The following AKAP13 variants were observed in gnomAD, a reference collection of about 807,000 sequenced individuals.
The protein encoded by AKAP13 is A-kinase anchoring protein 13.
In AKAP13, 80 loss-of-function variants were observed where a neutral mutation model predicts 264.5. That is an observed-to-expected ratio of 0.30 (90% CI 0.25 to 0.36). AKAP13 has a LOEUF of 0.36. Ranked by LOEUF, AKAP13 falls within the 10% of genes least tolerant of loss-of-function variation. The pLI is 1.00. For synonymous variants in AKAP13, 1,380 were observed against 1,250.2 expected (o/e 1.10, Z -2.19); for missense variants, 3,712 against 3,435.2 (o/e 1.08, Z -2.01).
rs918552734 is a variant in AKAP13, at chr15:85,573,179, T to C, written c.663-1952T>C. Reference sequence around the variant, plus strand: ...GCATGTCTGTAATTTCTTAACTCTTTAGTTTCTTCTATTTCAAAACATGAT... The same window carrying C: ...GCATGTCTGTAATTTCTTAACTCTTCAGTTTCTTCTATTTCAAAACATGAT... On this transcript the variant is annotated intron_variant, in intron 5 of 36. Transcript: ENST00000394518. Among the ~76,000 whole-genome samples the C allele has an allele frequency of 4.6e-5, 7 of 152,198 alleles. No individual in the cohort carries two copies. The East Asian group carries it at 1.2e-3, about 25-fold the overall frequency.
intron 30 of AKAP13, among the ~76,000 whole-genome samples, chr15:85,731,162 C>G (rs2087992893): frequency 6.6e-6 from 1 of 151,992 alleles, no homozygotes; most frequent in Non-Finnish European, 1.5e-5. Context: ...TGCACCACCA[C>G]ACCCAGCTAA....
At chr15:85,608,081 A>AT (rs1267459825) in intron 8 of AKAP13, among the ~76,000 whole-genome samples, 2 of 152,304 alleles carry the variant, frequency 1.3e-5, no homozygotes, top group Middle Eastern at 3.4e-3. Flanking sequence ...GAAGTCTTCC[A>AT]TGGGAAGCTG....
intron 4 of AKAP13, among the ~76,000 whole-genome samples, chr15:85,537,673 G>A (rs1472938970): frequency 2.0e-5 from 3 of 152,210 alleles, no homozygotes; most frequent in Non-Finnish European, 4.4e-5. Context: ...AAAAGCAGGG[G>A]CATTGGAGTC....
In AKAP13 at chr15:85,487,555, C is replaced by A. The variant is rs1596318727; in HGVS notation, c.33+1802C>A. Reference sequence around the variant, plus strand: ...TCATTAATGTGATATATTACATTGACTCAATTAAATAGTTTTTATTTATTT... The same window carrying A: ...TCATTAATGTGATATATTACATTGAATCAATTAAATAGTTTTTATTTATTT... On this transcript the variant is annotated intron_variant, in intron 2 of 36. Coordinates refer to ENST00000394518, the MANE Select transcript of AKAP13 (RefSeq NM_007200.5). Among the ~76,000 whole-genome samples, 3 of 152,268 alleles carry A rather than the reference C, an allele frequency of 2.0e-5. No homozygotes were observed. The South Asian group carries it at 6.2e-4, about 32-fold the overall frequency.
intron 1 of AKAP13, among the ~76,000 whole-genome samples, chr15:85,458,359 C>CT (rs535399294): frequency 7.8e-6 from 1 of 128,016 alleles, no homozygotes; most frequent in South Asian, 2.4e-4. Context: ...CTTCCCCTTT[C>CT]TTTTTTTCTC....
chr15:85,549,260 G>A (rs550426859), intron 5 of AKAP13, among the ~76,000 whole-genome samples: 5 of 152,106 alleles, frequency 3.3e-5, no homozygotes, highest in East Asian at 1.9e-4. Flanking sequence ...GATGCCTGTA[G>A]ATTAATGGAA....
chr15:85,589,675 A>C (rs1287542088), intron 8 of AKAP13, among the ~76,000 whole-genome samples: 1 of 141,052 alleles, frequency 7.1e-6, no homozygotes, highest in East Asian at 2.1e-4. Context: ...GCACCACTGC[A>C]CTCCAGCCTG....
At chr15:85,559,684 G>C (rs894550661) in intron 5 of AKAP13, among the ~76,000 whole-genome samples, 6 of 129,312 alleles carry the variant, frequency 4.6e-5, no homozygotes, top group Non-Finnish European at 6.6e-5. Flanking sequence ...ACGCTCCTGT[G>C]AGAATCTAGT....
At chr15:85,734,927 C>T in intron 30 of AKAP13, 65 bp from the exon 31 acceptor site, 1 of 1,578,930 alleles carries the variant, frequency 6.3e-7, no homozygotes, top group South Asian at 1.2e-5. Context: ...ATCATATATA[C>T]TATGAACTTG....
At chr15:85,403,698 G>A (rs375485135) in intron 1 of AKAP13, among the ~76,000 whole-genome samples, 22 of 151,786 alleles carry the variant, frequency 1.4e-4, no homozygotes, top group African/African-American at 5.1e-4. Flanking sequence ...AAAATTAGCC[G>A]GGCGTGGTGG....
rs1021695237 is a variant in AKAP13, at chr15:85,716,974, A to G, written c.5736-316A>G. Among the ~76,000 whole-genome samples, 4 of 152,230 alleles carry G rather than the reference A, an allele frequency of 2.6e-5. 1 individual carries two copies. The highest frequency in any genetic ancestry group is 2.1e-4 in the South Asian group (1 of 4,832). ...GAAAAAACAGTGTATTGGTTAGGCA[A>G]TAAGTTTTAAACAGAAAGTTTCTTA... is the stretch of plus-strand genomic sequence containing the variant. On this transcript the variant is annotated intron_variant, in intron 20 of 36. Transcript: ENST00000394518.
rs1567211658 is a variant in AKAP13, at chr15:85,718,100, A to C, written c.5942A>C (p.Asp1981Ala). Residue 1981 changes from aspartate to alanine, a missense_variant, in exon 22 of 37, where the codon GAC becomes GCC. This residue lies in a region of AKAP13 where 2,759 missense variants were observed against 2,411.7 expected (regional missense o/e 1.14). Transcript: ENST00000394518. This position sits in a 1 kb window ranked among gnomAD's most constrained non-coding sequence, Gnocchi z 4.9. ...LEAESWSRII[D>A]SKFLKQQKKD... is the part of the protein sequence containing the mutation. ...GCAGAGTCTTGGAGTCGGATAATAG[A>C]CAGCAAGTTTCTAAAACAGCAAAAG... 4.3e-6 allele frequency: 7 copies of C among 1,614,200 alleles called. No homozygotes were observed. The highest frequency in any genetic ancestry group is 5.1e-6 in the Non-Finnish European group (6 of 1,180,016).
chr15:85,466,036 G>A (rs1228812984), intron 1 of AKAP13, among the ~76,000 whole-genome samples: 27 of 152,162 alleles, frequency 1.8e-4, no homozygotes, highest in African/African-American at 4.6e-4. Flanking sequence ...CTTTTTAATG[G>A]TTGCCTTTCT....
intron 1 of AKAP13, among the ~76,000 whole-genome samples, chr15:85,404,402 C>T (rs1268659685): frequency 6.6e-6 from 1 of 152,250 alleles, no homozygotes; most frequent in South Asian, 2.1e-4. Flanking sequence ...AAACTGTTCT[C>T]TCACTGTGGT....
intron 1 of AKAP13, among the ~76,000 whole-genome samples, chr15:85,430,786 A>G (rs1295163707): frequency 6.6e-6 from 1 of 152,194 alleles, no homozygotes; most frequent in East Asian, 1.9e-4. Flanking sequence ...CCTAATATTT[A>G]TAATACCTGT....
At chr15:85,608,706 C>T (rs938609013) in intron 8 of AKAP13, among the ~76,000 whole-genome samples, 1 of 152,114 alleles carries the variant, frequency 6.6e-6, no homozygotes, top group East Asian at 1.9e-4. Flanking sequence ...TTCTGAGAGC[C>T]GGGGGCCTTG....
At chr15:85,476,004 A>G (rs1168973992) in intron 1 of AKAP13, among the ~76,000 whole-genome samples, 4 of 152,200 alleles carry the variant, frequency 2.6e-5, no homozygotes, top group Admixed American at 2.0e-4. Context: ...TTGGGGAGAG[A>G]AGGCAAGCAC....
At chr15:85,434,301 A>T (rs1340804934) in intron 1 of AKAP13, among the ~76,000 whole-genome samples, 1 of 152,162 alleles carries the variant, frequency 6.6e-6, no homozygotes, top group Admixed American at 6.5e-5. Context: ...TATATCCCAC[A>T]CCTGGCTCGG....
intron 23 of AKAP13, among the ~76,000 whole-genome samples, chr15:85,720,410 A>G (rs1225976682): frequency 1.3e-5 from 2 of 152,184 alleles, no homozygotes; most frequent in Non-Finnish European, 2.9e-5. Context: ...TAAAATATGT[A>G]TTGTTGATAC....
Sources: gnomAD v4.1 joint callset for allele counts (sites outside exome capture counted in the v4.1 genomes callset) on GRCh38, gnomAD v4.1.1 for gene constraint, gnomAD v4.1.1 regional missense constraint, Gnocchi (gnomAD v3.1) non-coding constraint, MANE v1.5 for transcripts, NCBI Gene and HGNC (gene_info 2026-07-23, HGNC 2026-07-21) for gene names.